AUTS2: variants seen among roughly 807,000 people sequenced by gnomAD.
The protein encoded by AUTS2 is activator of transcription and developmental regulator AUTS2, also known as autism susceptibility gene 2 protein.
A neutral mutation model predicts 112.4 loss-of-function variants in AUTS2; 17 were observed. The ratio of observed to expected loss-of-function variants is 0.15; its 90% confidence interval spans 0.10 to 0.23. AUTS2 has a LOEUF of 0.23. Ranked by LOEUF, AUTS2 falls within the 10% of genes least tolerant of loss-of-function variation. The pLI is 1.00. For synonymous variants in AUTS2, 751 were observed against 702.7 expected, an observed-to-expected ratio of 1.07 and a Z score of -1.09; for missense variants, 1,510 against 1,701.6, an observed-to-expected ratio of 0.89 and a Z score of 1.98.
rs116340217 is a variant in AUTS2 at position 70,507,302 on chromosome 7, G to A, written c.690+71521G>A. ...AACTGTAATACCACTGCTTTGGGAG[G>A]CTGAGGCGGGAGGATCGCTTGAGCC... On this transcript the variant is annotated intron_variant, in intron 5 of 18. Transcript: ENST00000342771. 3.1e-3 allele frequency among the ~76,000 whole-genome samples: 466 copies of A among 152,258 alleles called. 3 individuals are homozygous for A. Among genetic ancestry groups the A allele is most frequent in the African/African-American group, 0.011 (460 of 41,546 alleles).
chr7:69,875,524 G>T (rs762040561), intron 1 of AUTS2, among the ~76,000 whole-genome samples: 1 of 152,144 alleles, frequency 6.6e-6, no homozygotes, highest in Non-Finnish European at 1.5e-5. Flanking sequence ...GGACTTAAAA[G>T]ATTTATGCCC....
chr7:70,687,691 T>C (rs1374043305), intron 5 of AUTS2, among the ~76,000 whole-genome samples: 1 of 152,162 alleles, frequency 6.6e-6, no homozygotes, highest in Non-Finnish European at 1.5e-5. Context: ...AGGTTTTTAC[T>C]TTACAGCAGT....
rs145325511 is a variant in AUTS2 at position 69,694,821 on chromosome 7, G to C, written c.309+94859G>C. Among the ~76,000 whole-genome samples, 352 of 152,278 alleles carry C rather than the reference G, an allele frequency of 2.3e-3. 1 individual carries two copies. The highest frequency in any genetic ancestry group is 7.4e-3 in the African/African-American group (309 of 41,536). ...CCTTACTATTTATAGTTTGACTGTA[G>C]GTATGGCAGTGAGAGATAAAATTAC... On this transcript the variant is annotated intron_variant, in intron 1 of 18. Coordinates refer to ENST00000342771, the MANE Select transcript of AUTS2 (RefSeq NM_015570.4).
intron 1 of AUTS2, among the ~76,000 whole-genome samples, chr7:69,688,752 A>G (rs1797170474): frequency 6.6e-6 from 1 of 152,162 alleles, no homozygotes; most frequent in South Asian, 2.1e-4. Context: ...GTAGTTTTGT[A>G]TCCTTTAACA....
intron 4 of AUTS2, among the ~76,000 whole-genome samples, chr7:70,180,441 T>A (rs1383602863): frequency 6.6e-6 from 1 of 152,170 alleles, no homozygotes; most frequent in South Asian, 2.1e-4. Context: ...ACAGTTGGCT[T>A]TGTGTTGGAA....
intron 4 of AUTS2, 138 bp from the exon 5 acceptor site, chr7:70,435,614 C>T: frequency 1.2e-6 from 1 of 836,436 alleles, no homozygotes; most frequent in South Asian, 1.7e-5. Flanking sequence ...GAAACTCTTT[C>T]TTTCCAGGAA....
intron 4 of AUTS2, among the ~76,000 whole-genome samples, chr7:70,163,194 A>G (rs1808187714): frequency 6.6e-6 from 1 of 151,806 alleles, no homozygotes; most frequent in Non-Finnish European, 1.5e-5. Context: ...GGGACAGCAT[A>G]GTTCATATGT....
chr7:70,711,912 C>G (rs1810074122), intron 6 of AUTS2, among the ~76,000 whole-genome samples: 1 of 152,240 alleles, frequency 6.6e-6, no homozygotes. Flanking sequence ...CCCCACACAT[C>G]TTCTCTGTTA....
intron 3 of AUTS2, chr7:70,118,989 C>CTTTTTTTTTTT (rs1562712544): frequency 7.2e-6 from 1 of 138,670 alleles, no homozygotes; most frequent in Non-Finnish European, 1.5e-5. Flanking sequence ...CATATATCAG[C>CTTTTTTTTTTT]ATTTTTTTTT....
intron 1 of AUTS2, among the ~76,000 whole-genome samples, chr7:69,769,142 G>C (rs1788554531): frequency 6.6e-6 from 1 of 152,142 alleles, no homozygotes; most frequent in Admixed American, 6.5e-5. Flanking sequence ...TGATACATAG[G>C]CATACCCTTA....
intron 1 of AUTS2, among the ~76,000 whole-genome samples, chr7:69,728,359 G>C (rs1269594952): frequency 6.6e-6 from 1 of 152,220 alleles, no homozygotes; most frequent in Non-Finnish European, 1.5e-5. Context: ...TCTTAGTAGA[G>C]CGTGTAAATG....
intron 4 of AUTS2, among the ~76,000 whole-genome samples, chr7:70,383,976 G>T (rs978482246): frequency 4.6e-5 from 7 of 152,180 alleles, no homozygotes; most frequent in Non-Finnish European, 1.0e-4. Context: ...CCAACTTCCA[G>T]CCACTTGCAT....
chr7:70,233,776 A>C (rs181917665), intron 4 of AUTS2, among the ~76,000 whole-genome samples: 1 of 152,210 alleles, frequency 6.6e-6, no homozygotes, highest in Non-Finnish European at 1.5e-5. Context: ...AGAATCACCA[A>C]AGCGGAATTT....
intron 18 of AUTS2, among the ~76,000 whole-genome samples, chr7:70,788,565 G>A (rs1479743161): frequency 6.6e-6 from 1 of 152,224 alleles, no homozygotes; most frequent in East Asian, 1.9e-4. Context: ...TCTGTACACA[G>A]CCTGTCACTA....
At chr7:70,728,402 G>A (rs554415266) in intron 6 of AUTS2, among the ~76,000 whole-genome samples, 9 of 152,160 alleles carry the variant, frequency 5.9e-5, no homozygotes, top group Admixed American at 1.3e-4. Context: ...GTTCCTCCAA[G>A]CAATTTCAAA....
intron 5 of AUTS2, among the ~76,000 whole-genome samples, chr7:70,446,918 C>G (rs747712433): frequency 6.6e-6 from 1 of 152,182 alleles, no homozygotes; most frequent in Non-Finnish European, 1.5e-5. Context: ...CCCGGACTGG[C>G]AAGTGACTAG....
At chr7:70,193,572 C>A (rs1412619508) in intron 4 of AUTS2, among the ~76,000 whole-genome samples, 1 of 152,162 alleles carries the variant, frequency 6.6e-6, no homozygotes, top group African/African-American at 2.4e-5. Context: ...TTTAAGGACA[C>A]CTCGTCTGAT....
chr7:69,963,443 G>A (rs1036494343), intron 2 of AUTS2, among the ~76,000 whole-genome samples: 2 of 152,056 alleles, frequency 1.3e-5, no homozygotes, highest in African/African-American at 4.8e-5. Context: ...TTCCTTATAG[G>A]ATGTCAGGCT....
chr7:70,678,948 A>T (rs1278636692), intron 5 of AUTS2, among the ~76,000 whole-genome samples: 1 of 152,134 alleles, frequency 6.6e-6, no homozygotes, highest in African/African-American at 2.4e-5. Flanking sequence ...GCCCAATCAG[A>T]GTCTTATATG....
Sources: allele counts gnomAD v4.1 joint callset (sites outside exome capture counted in the v4.1 genomes callset), GRCh38; gene constraint gnomAD v4.1.1; transcripts MANE v1.5; gene names NCBI Gene and HGNC (gene_info 2026-07-23, HGNC 2026-07-21).